PFKFB4: variants seen among roughly 807,000 people sequenced by gnomAD.
PFKFB4 encodes the protein 6-phosphofructo-2-kinase/fructose-2,6-bisphosphatase 4.
PFKFB4 carries 42 observed loss-of-function variants against 62.8 expected under a neutral mutation model. That is an observed-to-expected ratio of 0.67 (90% CI 0.52 to 0.86). The LOEUF is 0.86. Ranked by LOEUF, PFKFB4 falls within the 40% of genes least tolerant of loss-of-function variation. The pLI is 0.00. For missense variants in PFKFB4, 475 were observed against 627.2 expected, an observed-to-expected ratio of 0.76 and a Z score of 2.59; for synonymous variants, 204 against 240.7, an observed-to-expected ratio of 0.85 and a Z score of 1.41.
chr3:48,523,462 C>A, intron 12 of PFKFB4, 75 bp downstream of exon 12: 1 of 1,378,596 alleles, frequency 7.3e-7, no homozygotes, highest in South Asian at 1.2e-5. Context: ...TCAAGGAATT[C>A]GGAGAAAATC....
chr3:48,540,776 A>C, intron 4 of PFKFB4, among the ~76,000 whole-genome samples: 1 of 136,636 alleles, frequency 7.3e-6, no homozygotes. Context: ...TACCTGGCTA[A>C]TTTTTTTTTT....
intron 4 of PFKFB4, among the ~76,000 whole-genome samples, chr3:48,540,965 C>T (rs576769920): frequency 4.0e-5 from 6 of 151,834 alleles, no homozygotes; most frequent in East Asian, 1.9e-4. Flanking sequence ...TTAGTAGAGA[C>T]GAGGTTTCAC....
At chr3:48,539,451 G>A in intron 5 of PFKFB4, 141 bp from the exon 6 acceptor site, 1 of 799,844 alleles carries the variant, frequency 1.3e-6, no homozygotes, top group South Asian at 1.5e-5. Context: ...CTGCTTCAGA[G>A]GGCTGGAGGC....
chr3:48,551,971 C>A (rs2043170645), intron 1 of PFKFB4, among the ~76,000 whole-genome samples: 1 of 152,206 alleles, frequency 6.6e-6, no homozygotes, highest in Non-Finnish European at 1.5e-5. Context: ...GGGGACCTGT[C>A]ACTGCCCCTC....
At chr3:48,528,117 G>C (rs1184085619) in intron 9 of PFKFB4, among the ~76,000 whole-genome samples, 3 of 152,082 alleles carry the variant, frequency 2.0e-5, no homozygotes, top group Admixed American at 6.6e-5. Context: ...CTAGAGAAAA[G>C]GTAATCCATG....
intron 3 of PFKFB4, chr3:48,548,017 A>G (rs1560175379): frequency 6.6e-6 from 1 of 152,282 alleles, no homozygotes; most frequent in Non-Finnish European, 1.5e-5. Context: ...GCCAGAGGGT[A>G]TGCCTGCAGA....
chr3:48,544,754 C>T (rs2042912546), intron 3 of PFKFB4, among the ~76,000 whole-genome samples: 1 of 151,680 alleles, frequency 6.6e-6, no homozygotes, highest in Non-Finnish European at 1.5e-5. Context: ...AAGAGTCTTA[C>T]TCTCTGTTGC....
Position 48,556,590 on chromosome 3 carries a change from C to T in PFKFB4, c.97+91G>A, listed in dbSNP as rs985915463. ...TGTCCCCGGTTCCCCATCTGTCTCC[C>T]GCCCCTTCTCCATGCGAGACCCCCG... is the stretch of plus-strand genomic sequence containing the variant. On this transcript the variant is annotated intron_variant, in intron 1 of 13. Transcript: ENST00000232375. This position sits in a 1 kb window ranked among gnomAD's most constrained non-coding sequence, Gnocchi z 5.7. 6 of 1,416,252 alleles carry T rather than the reference C, an allele frequency of 4.2e-6. No individual in the cohort carries two copies. The highest frequency in any genetic ancestry group is 1.4e-5 in the African/African-American group (1 of 69,794). The allele number at this position is 1,416,252 out of a possible 1,614,324, so 87.7% of individuals were successfully genotyped here. A position where few individuals can be genotyped will look rare whatever the true frequency, so the allele number is the denominator to read the frequency against.
At position 48,544,195 on chromosome 3, in the gene PFKFB4, T is replaced by G. The variant is rs185031597; in HGVS notation, c.312-549A>C. ...CCCAGCTAATTTTTATATTTCAAAA[T>G]AAGCATTTTTAAAAGCAGCCGTTTT... is the stretch of plus-strand genomic sequence containing the variant. On this transcript the variant is annotated intron_variant, in intron 3 of 13. Transcript: ENST00000232375. Among the ~76,000 whole-genome samples, 22 of 152,066 alleles carry G rather than the reference T, an allele frequency of 1.4e-4. No homozygotes were observed. The East Asian group carries it at 2.3e-3, about 16-fold the overall frequency.
At chr3:48,561,114 A>G (rs1167929517), upstream of PFKFB4, 3 of 1,282,922 alleles carry the variant, frequency 2.3e-6, no homozygotes, top group Non-Finnish European at 3.0e-6. This position sits in a 1 kb window ranked among gnomAD's most constrained non-coding sequence, Gnocchi z 5.2. Flanking sequence ...GCCTCTGTCC[A>G]TCCTGCAACC....
rs777868378 is a variant in PFKFB4, at chr3:48,525,674, G to A, written c.988-5C>T. The A allele has an allele frequency of 4.8e-5, 75 of 1,560,670 alleles. No individual in the cohort carries two copies. The highest frequency in any genetic ancestry group is 6.1e-5 in the Non-Finnish European group (70 of 1,138,754). ...GGTCATTTCCTCACAGACGCCCTAG[G>A]GAGATACCACAGTCATCACACCTCC... On this transcript the variant is annotated splice_polypyrimidine_tract_variant and splice_region_variant and intron_variant, in intron 9 of 13. Coordinates refer to ENST00000232375, the MANE Select transcript of PFKFB4 (RefSeq NM_004567.4).
upstream of PFKFB4, chr3:48,561,317 G>C (rs1024883428): frequency 3.6e-6 from 1 of 279,876 alleles, no homozygotes; most frequent in East Asian, 1.5e-4. This position sits in a 1 kb window ranked among gnomAD's most constrained non-coding sequence, Gnocchi z 5.2. Context: ...CGGCCACGCT[G>C]TGGCCAGTAC....
Position 48,519,241 on chromosome 3 carries a change from C to T in PFKFB4, c.*506G>A, listed in dbSNP as rs1166881296. ...GTGGGTAAGGATGGGAAGGGCTCTC[C>T]CTCTCACCAGAGGCAGCAGAAGCTC... On this transcript the variant is annotated 3_prime_UTR_variant, in exon 14 of 14. Transcript: ENST00000232375. 2 of 153,088 alleles carry T rather than the reference C, an allele frequency of 1.3e-5. No homozygotes were observed. The highest frequency in any genetic ancestry group is 6.5e-5 in the Admixed American group (1 of 15,370). The allele number at this position is 153,088 out of a possible 1,614,324, so 9.5% of individuals were successfully genotyped here.
intron 7 of PFKFB4, 22 bp from the exon 8 acceptor site, chr3:48,536,485 A>C (rs2042621080): frequency 6.3e-7 from 1 of 1,585,660 alleles, no homozygotes; most frequent in Non-Finnish European, 8.7e-7. Flanking sequence ...GAAAGTAGAA[A>C]GAGGCCTGTG....
intron 9 of PFKFB4, among the ~76,000 whole-genome samples, chr3:48,529,159 C>T (rs184216948): frequency 1.3e-5 from 2 of 152,050 alleles, no homozygotes; most frequent in Admixed American, 6.6e-5. Context: ...TGCCTCAGCC[C>T]CCCGAGTAGC....
At chr3:48,526,343 C>T (rs1047601591) in intron 9 of PFKFB4, among the ~76,000 whole-genome samples, 2 of 152,164 alleles carry the variant, frequency 1.3e-5, no homozygotes, top group Non-Finnish European at 1.5e-5. Context: ...GAGGCTGAGG[C>T]AGGTGGATCA....
At chr3:48,539,462 G>A (rs917602813) in intron 5 of PFKFB4, 152 bp from the exon 6 acceptor site, 10 of 757,036 alleles carry the variant, frequency 1.3e-5, no homozygotes, top group South Asian at 3.1e-5. Context: ...GGCTGGAGGC[G>A]GGGTCAAGGA....
intron 4 of PFKFB4, among the ~76,000 whole-genome samples, chr3:48,540,120 C>T (rs74944616): frequency 0.018 from 2,713 of 152,322 alleles, 71 homozygotes; most frequent in African/African-American, 0.062. Context: ...GCAGTGAAAC[C>T]AGTTAAACCT....
upstream of PFKFB4, chr3:48,557,114 C>G (rs2043347892): frequency 2.2e-6 from 1 of 460,610 alleles, no homozygotes; most frequent in Non-Finnish European, 3.2e-6. Context: ...CCCGGATGCG[C>G]AAACTCAGCT....
Sources: allele counts gnomAD v4.1 joint callset (sites outside exome capture counted in the v4.1 genomes callset), GRCh38; gene constraint gnomAD v4.1.1; non-coding constraint Gnocchi (gnomAD v3.1); transcripts MANE v1.5; gene names NCBI Gene and HGNC (gene_info 2026-07-23, HGNC 2026-07-21).